The following HERC1 variants were observed in gnomAD, a reference collection of about 807,000 sequenced individuals.
HERC1 encodes the protein HECT and RLD domain containing E3 ubiquitin protein ligase family member 1.
In HERC1, 160 loss-of-function variants were observed where a neutral mutation model predicts 554.3. That is an observed-to-expected ratio of 0.29 (90% CI 0.25 to 0.33). HERC1 has a LOEUF of 0.33. HERC1 is among the 10% of genes least tolerant of loss of function. The probability of loss-of-function intolerance (pLI) is 1.00; values close to 1 mark genes in which losing one functional copy is unlikely to be tolerated. For missense variants in HERC1, 4,919 were observed against 5,918.5 expected (o/e 0.83, Z 5.54); for synonymous variants, 2,175 against 2,131.7 (o/e 1.02, Z -0.56).
intron 10 of HERC1, among the ~76,000 whole-genome samples, chr15:63,748,608 G>C (rs1050196882): frequency 6.6e-6 from 1 of 152,064 alleles, no homozygotes; most frequent in African/African-American, 2.4e-5. Context: ...CATATGAAGT[G>C]GGAAGTTGGA....
intron 33 of HERC1, 130 bp from the exon 34 acceptor site, chr15:63,686,665 G>T (rs1047587903): frequency 4.2e-6 from 3 of 706,854 alleles, no homozygotes; most frequent in Admixed American, 6.1e-5. Flanking sequence ...ACTGTGCAGG[G>T]CAACAGGAAC....
chr15:63,767,542 C>G (rs764314647), intron 2 of HERC1, among the ~76,000 whole-genome samples: 1 of 151,958 alleles, frequency 6.6e-6, no homozygotes, highest in African/African-American at 2.4e-5. Context: ...ACTAAAAATA[C>G]AAAATTTTAG....
intron 3 of HERC1, among the ~76,000 whole-genome samples, chr15:63,763,294 A>T (rs1041901269): frequency 2.0e-5 from 3 of 152,228 alleles, no homozygotes; most frequent in African/African-American, 7.2e-5. Context: ...TTAAGCATCA[A>T]GGGCTAATAC....
chr15:63,690,439 A>G (rs2072042737), intron 32 of HERC1, 102 bp downstream of exon 32: 1 of 725,320 alleles, frequency 1.4e-6, no homozygotes, highest in South Asian at 2.0e-5. Context: ...ATGCTATTGA[A>G]TAAAAGACAC....
Position 63,694,268 on chromosome 15 carries a change from G to T in HERC1, c.5480+44C>A. 6.3e-7 allele frequency: 1 copy of T among 1,579,782 alleles called. No homozygotes were observed. On this transcript the variant is annotated intron_variant, in intron 29 of 77. Coordinates refer to ENST00000443617, the MANE Select transcript of HERC1 (RefSeq NM_003922.4). The surrounding 1 kb of genome is among the most constrained non-coding windows in gnomAD (Gnocchi z 4.3). The stretch of plus-strand genomic sequence containing the variant: ...AAGGGGGAATTCTAAAATGGAGGAA[G>T]ACCAGACTTCATACAGTTCTACAAA...
chr15:63,694,209 A>G lies in HERC1; in HGVS notation c.5481-52T>C. On this transcript the variant is annotated intron_variant, in intron 29 of 77. Coordinates refer to ENST00000443617, the MANE Select transcript of HERC1 (RefSeq NM_003922.4). The surrounding 1 kb of genome is among the most constrained non-coding windows in gnomAD (Gnocchi z 4.3). ...GTGGCAAACACACAGAAGGGCAAGC[A>G]TAGTGCTTAAATACATAAAGCAGAT... 6.4e-7 allele frequency: 1 copy of G among 1,564,804 alleles called. No individual in the cohort carries two copies. Among genetic ancestry groups the G allele is most frequent in the Non-Finnish European group, 8.7e-7 (1 of 1,154,246 alleles).
intron 74 of HERC1, among the ~76,000 whole-genome samples, chr15:63,620,299 C>T (rs369468774): frequency 2.4e-4 from 37 of 151,490 alleles, no homozygotes; most frequent in Admixed American, 4.6e-4. Flanking sequence ...TGTAGTTGAG[C>T]GGTTTTGAGT....
rs2069881229 is a variant in HERC1 at position 63,654,301 on chromosome 15, G to A, written c.10108C>T (p.Leu3370=). 6.2e-7 allele frequency: 1 copy of A among 1,613,636 alleles called. No homozygotes were observed. The highest frequency in any genetic ancestry group is 8.5e-7 in the Non-Finnish European group (1 of 1,179,696). Residue 3370 remains leucine, a synonymous_variant, in exon 51 of 78, where the codon CTG becomes TTG. Transcript: ENST00000443617. ...KKGPLELANA[L]AACCLSSRLS... ...CTGGAGGAGAGGCAGCAGGCTGCCA[G>A]GGCATTAGCCAACTCCAGAGGGCCT... is the stretch of plus-strand genomic sequence containing the variant.
At chr15:63,796,062 C>A (rs1445547665) in intron 1 of HERC1, among the ~76,000 whole-genome samples, 2 of 152,336 alleles carry the variant, frequency 1.3e-5, no homozygotes, top group South Asian at 2.1e-4. Context: ...TCACAGCTAG[C>A]AGATTTTTAA....
Position 63,643,539 on chromosome 15 carries a change from C to T in HERC1, c.11196G>A (p.Arg3732=). ...EQESNCQDGY[R]KSSGAKCVYQ... is the part of the protein sequence containing the mutation. ...AAACACACTTGGCTCCTGATGATTT[C>T]CTATATCCATCCTGAAATTCATTAT... is the stretch of plus-strand genomic sequence containing the variant. Residue 3732 remains arginine (R), a synonymous_variant, in exon 58 of 78, where the codon AGG becomes AGA. Transcript: ENST00000443617. 6.3e-7 allele frequency: 1 copy of T among 1,590,030 alleles called. No homozygotes were observed.
chr15:63,726,129 G>A (rs1254248536), intron 17 of HERC1, among the ~76,000 whole-genome samples: 1 of 152,104 alleles, frequency 6.6e-6, no homozygotes, highest in Non-Finnish European at 1.5e-5. Flanking sequence ...GTATAGGTGT[G>A]CACCACGGTG....
rs547264312 is a variant in HERC1 at position 63,716,355 on chromosome 15, G to A, written c.4097C>T (p.Pro1366Leu). 3.3e-5 allele frequency: 54 copies of A among 1,613,540 alleles called. No individual in the cohort carries two copies. Among genetic ancestry groups the A allele is most frequent in the Non-Finnish European group, 4.2e-5 (49 of 1,179,790 alleles). Residue 1366 changes from proline to leucine, a missense_variant, in exon 22 of 78, where the codon CCG becomes CTG. Coordinates refer to ENST00000443617, the MANE Select transcript of HERC1 (RefSeq NM_003922.4). The stretch of plus-strand genomic sequence containing the variant: ...TTCCTCCTCTTCATCCTCTGGCTCC[G>A]GATGCCCCTCTTCCCGGTCTCTCTC... ...QAERDREEGHPEPEDEEEERE... is the reference protein window; with the variant it reads ...QAERDREEGHLEPEDEEEERE...
chr15:63,781,082 G>A (rs923754575), intron 1 of HERC1, among the ~76,000 whole-genome samples: 4 of 151,798 alleles, frequency 2.6e-5, no homozygotes, highest in Admixed American at 6.6e-5. Flanking sequence ...GTAATAAATG[G>A]GACAAAAAGG....
At chr15:63,814,801 T>C (rs1354145592) in intron 1 of HERC1, among the ~76,000 whole-genome samples, 1 of 152,174 alleles carries the variant, frequency 6.6e-6, no homozygotes, top group Non-Finnish European at 1.5e-5. Flanking sequence ...AAAATTTAAA[T>C]CCAAGAATCA....
chr15:63,626,807 A>G (rs2068321099), intron 70 of HERC1, among the ~76,000 whole-genome samples: 1 of 152,176 alleles, frequency 6.6e-6, no homozygotes, highest in South Asian at 2.1e-4. Context: ...CAATTCCTAG[A>G]TTTATTATTA....
chr15:63,638,853 TAA>T (rs2068902690), intron 61 of HERC1, 77 bp from the exon 62 acceptor site: 1 of 976,810 alleles, frequency 1.0e-6, no homozygotes, highest in Middle Eastern at 2.1e-4. Context: ...AGTCCTCTTC[TAA>T]TCATTAAGTC....
intron 1 of HERC1, among the ~76,000 whole-genome samples, chr15:63,820,807 T>C (rs74019036): frequency 0.011 from 1,617 of 152,228 alleles, 22 homozygotes; most frequent in African/African-American, 0.037. Context: ...CATGCCACCA[T>C]GCCCAGCTTA....
At chr15:63,779,236 A>C (rs993606991) in intron 1 of HERC1, among the ~76,000 whole-genome samples, 1 of 152,144 alleles carries the variant, frequency 6.6e-6, no homozygotes, top group African/African-American at 2.4e-5. Flanking sequence ...TCTAAAATAG[A>C]AAAAATATCT....
Position 63,758,437 on chromosome 15 carries a change from T to A in HERC1, c.1027-68A>T. The A allele has an allele frequency of 9.4e-7, 1 of 1,065,666 alleles. No homozygotes were observed. The highest frequency in any genetic ancestry group is 1.3e-6 in the Non-Finnish European group (1 of 744,562). The allele number at this position is 1,065,666 out of a possible 1,614,324, so 66.0% of individuals were successfully genotyped here. On this transcript the variant is annotated intron_variant, in intron 3 of 77. Coordinates refer to ENST00000443617, the MANE Select transcript of HERC1 (RefSeq NM_003922.4). This position sits in a 1 kb window ranked among gnomAD's most constrained non-coding sequence, Gnocchi z 4.0. ...TTAGTCTGGGCATTTTTTATACATA[T>A]CCTCTGAAATTACTGTTGCCTTTCC...
Sources: allele counts gnomAD v4.1 joint callset (sites outside exome capture counted in the v4.1 genomes callset), GRCh38; gene constraint gnomAD v4.1.1; non-coding constraint Gnocchi (gnomAD v3.1); transcripts MANE v1.5; gene names NCBI Gene and HGNC (gene_info 2026-07-23, HGNC 2026-07-21).